Variants in NOX4 observed in about 807,000 individuals in gnomAD.
NOX4 encodes kidney oxidase-1.
A neutral mutation model predicts 87.6 loss-of-function variants in NOX4; 69 were observed. The ratio of observed to expected loss-of-function variants is 0.79; its 90% CI spans 0.65 to 0.96. NOX4 has a LOEUF of 0.96. Among genes scored for constraint, NOX4 ranks in the 40% least tolerant of loss-of-function variants. NOX4 has a pLI of 0.00. For missense variants in NOX4, 680 were observed against 681.5 expected, an observed-to-expected ratio of 1.00 and a Z score of 0.02; for synonymous variants, 275 against 238.2, an observed-to-expected ratio of 1.15 and a Z score of -1.42.
At chr11:89,538,991 ACT>A in the NOX4 span, among the ~76,000 whole-genome samples, 865 of 152,056 alleles carry the variant, frequency 5.7e-3, 8 homozygotes, top group African/African-American at 0.02. Flanking sequence ...GAGAGCTTGC[ACT>A]CTCTCTTTTC....
At chr11:89,361,754 A>G (rs1938543462) in intron 12 of NOX4, among the ~76,000 whole-genome samples, 1 of 152,136 alleles carries the variant, frequency 6.6e-6, no homozygotes. Flanking sequence ...TCCATTTCAT[A>G]TTCACATGAG....
At position 89,451,489 on chromosome 11, in the gene NOX4, AAATGAAACTAACAAT is replaced by A. The variant is rs1944958344; in HGVS notation, c.264+281_264+295del. ...CTATGCCTGAGGTTTCTTGTGTGTG[AAATGAAACTAACAAT>A]ACCTGATTGTAGAATCCCTGTAAGA... On this transcript the variant is annotated intron_variant, in intron 3 of 17. Coordinates refer to ENST00000263317, the MANE Select transcript of NOX4 (RefSeq NM_016931.5). Among the ~76,000 whole-genome samples, 3 of 152,208 alleles carry A rather than the reference AAATGAAACTAACAAT, an allele frequency of 2.0e-5. No homozygotes were observed. The South Asian group carries it at 6.2e-4, about 32-fold the overall frequency.
chr11:89,583,946 A>G, the NOX4 span, among the ~76,000 whole-genome samples: 1 of 152,320 alleles, frequency 6.6e-6, no homozygotes, highest in African/African-American at 2.4e-5. Context: ...GTATCAACAC[A>G]CAACTGAATG....
At chr11:89,346,475 A>T (rs1946220336) in intron 13 of NOX4, among the ~76,000 whole-genome samples, 1 of 151,814 alleles carries the variant, frequency 6.6e-6, no homozygotes, top group Non-Finnish European at 1.5e-5. Flanking sequence ...CTAAAAATAA[A>T]AAAAAAAACC....
chr11:89,574,794 T>A, the NOX4 span, among the ~76,000 whole-genome samples: 1 of 152,204 alleles, frequency 6.6e-6, no homozygotes, highest in Non-Finnish European at 1.5e-5. Context: ...CATTCATACA[T>A]TTAGAGATGA....
Position 89,383,532 on chromosome 11 carries a change from A to T in NOX4, c.1075-10040T>A, listed in dbSNP as rs558453604. Among the ~76,000 whole-genome samples the T allele has an allele frequency of 1.1e-3, 160 of 152,270 alleles. 1 individual carries two copies. The highest frequency in any genetic ancestry group is 1.8e-3 in the Non-Finnish European group (124 of 68,032). On this transcript the variant is annotated intron_variant, in intron 11 of 17. Coordinates refer to ENST00000263317, the MANE Select transcript of NOX4 (RefSeq NM_016931.5). ...TGGGTAACTCTTACAGTGGAAAGTAAGTCCATCCCCTTCTTAATCAATACG... is the reference window on the plus strand; with the variant it reads ...TGGGTAACTCTTACAGTGGAAAGTATGTCCATCCCCTTCTTAATCAATACG...
chr11:89,559,190 A>G, the NOX4 span, among the ~76,000 whole-genome samples: 2 of 152,136 alleles, frequency 1.3e-5, no homozygotes, highest in Non-Finnish European at 2.9e-5. Flanking sequence ...TGCTCTCAAG[A>G]AACTTAATTT....
In NOX4 at chr11:89,325,114, T is replaced by C. The variant is rs1590923390; in HGVS notation, c.*1642A>G. 1 of 111,236 alleles carries C rather than the reference T, an allele frequency of 9.0e-6. No homozygotes were observed. Among genetic ancestry groups the C allele is most frequent in the East Asian group, 2.1e-4 (1 of 4,690 alleles). The allele number at this position is 111,236 out of a possible 1,614,324, so 6.9% of individuals were successfully genotyped here. On this transcript the variant is annotated 3_prime_UTR_variant, in exon 18 of 18. Coordinates refer to ENST00000263317, the MANE Select transcript of NOX4 (RefSeq NM_016931.5). Reference sequence around the variant, plus strand: ...CACTAAACTGTATGAATGCTTTAATTCTTTTTTTTTTTTTTTTTTTTTTTT... The same window carrying C: ...CACTAAACTGTATGAATGCTTTAATCCTTTTTTTTTTTTTTTTTTTTTTTT...
At chr11:89,470,725 C>CT (rs1565332404) in intron 2 of NOX4, among the ~76,000 whole-genome samples, 1 of 151,852 alleles carries the variant, frequency 6.6e-6, no homozygotes, top group Non-Finnish European at 1.5e-5. Flanking sequence ...GTCCAACCTC[C>CT]TTTTTTTTGG....
In NOX4 at chr11:89,327,814, T is replaced by C. The variant is rs186183041; in HGVS notation, c.1617-938A>G. Among the ~76,000 whole-genome samples the C allele has an allele frequency of 3.3e-5, 5 of 152,182 alleles. No homozygotes were observed. In the East Asian group the frequency reaches 9.7e-4, roughly 29 times the overall value. Reference sequence around the variant, plus strand: ...TACCTTGAAAAATGAAACTAAAAGCTGTGAAAATAGAATTTTACTTGCAGC... The same window carrying C: ...TACCTTGAAAAATGAAACTAAAAGCCGTGAAAATAGAATTTTACTTGCAGC... On this transcript the variant is annotated intron_variant, in intron 17 of 17. Transcript: ENST00000263317.
At chr11:89,479,677 T>C (rs1026091674) in intron 2 of NOX4, among the ~76,000 whole-genome samples, 1 of 152,192 alleles carries the variant, frequency 6.6e-6, no homozygotes, top group Non-Finnish European at 1.5e-5. Flanking sequence ...ATTGTCAAAT[T>C]CAACTTTCTA....
the NOX4 span, among the ~76,000 whole-genome samples, chr11:89,565,708 C>A: frequency 6.6e-6 from 1 of 151,560 alleles, no homozygotes; most frequent in Non-Finnish European, 1.5e-5. Flanking sequence ...CGCATGTACC[C>A]TAAAACTTAA....
At chr11:89,357,697 G>C (rs1313838162) in intron 12 of NOX4, among the ~76,000 whole-genome samples, 1 of 152,150 alleles carries the variant, frequency 6.6e-6, no homozygotes, top group South Asian at 2.1e-4. Context: ...AAAGGTAATA[G>C]TATAAATTAA....
intron 7 of NOX4, among the ~76,000 whole-genome samples, chr11:89,426,752 A>G (rs1435841713): frequency 6.6e-6 from 1 of 152,164 alleles, no homozygotes; most frequent in African/African-American, 2.4e-5. Flanking sequence ...AGCCCACCAC[A>G]GCTCAATGAG....
At chr11:89,523,359 A>G in the NOX4 span, among the ~76,000 whole-genome samples, 1 of 152,194 alleles carries the variant, frequency 6.6e-6, no homozygotes. Flanking sequence ...TATACTGATA[A>G]CTTCAAGGAA....
intron 2 of NOX4, among the ~76,000 whole-genome samples, chr11:89,474,589 A>T (rs1946089052): frequency 1.3e-5 from 2 of 151,986 alleles, no homozygotes. Context: ...GCCTCACATA[A>T]TAGAAATGAA....
chr11:89,408,750 T>A (rs11018605), intron 8 of NOX4, among the ~76,000 whole-genome samples: 62,981 of 151,986 alleles, frequency 0.41, 13,504 homozygotes, highest in African/African-American at 0.53. Flanking sequence ...GTGTTTGTAA[T>A]CTGTGCAGGT....
In NOX4 at chr11:89,421,992, C is replaced by A. The variant is rs1432678988; in HGVS notation, c.549-10G>T. ...ATCATAGTTAGAAACTCTGCAAAAA[C>A]AAATACACTCATTTTAATGCTACTT... On this transcript the variant is annotated splice_polypyrimidine_tract_variant and intron_variant, in intron 7 of 17. Transcript: ENST00000263317. The A allele has an allele frequency of 3.7e-6, 5 of 1,369,682 alleles. No homozygotes were observed. The highest frequency in any genetic ancestry group is 5.0e-6 in the Non-Finnish European group (5 of 993,284). The allele number at this position is 1,369,682 out of a possible 1,614,324, so 84.8% of individuals were successfully genotyped here.
the NOX4 span, among the ~76,000 whole-genome samples, chr11:89,560,996 C>CTCTCTCTCTATA: frequency 2.5e-4 from 10 of 40,804 alleles, no homozygotes; most frequent in African/African-American, 6.6e-4. Context: ...CTCTCTCTCT[C>CTCTCTCTCTATA]TATATATATA....
Sources: allele counts gnomAD v4.1 joint callset (sites outside exome capture counted in the v4.1 genomes callset), GRCh38; gene constraint gnomAD v4.1.1; transcripts MANE v1.5; gene names NCBI Gene and HGNC (gene_info 2026-07-23, HGNC 2026-07-21).